Variants in C2CD2 observed in about 807,000 individuals in gnomAD.
The protein encoded by C2CD2 is C2 calcium dependent domain containing 2.
Under a neutral mutation model 74.3 loss-of-function variants are expected in C2CD2, and 43 were observed. That is an observed-to-expected ratio of 0.58 (90% CI 0.45 to 0.75). The LOEUF is 0.75. Among genes scored for constraint, C2CD2 ranks in the 30% least tolerant of loss-of-function variants. The pLI is 0.00. For synonymous variants in C2CD2, 422 were observed against 390.7 expected, an observed-to-expected ratio of 1.08 and a Z score of -0.94; for missense variants, 801 against 916.3, an observed-to-expected ratio of 0.87 and a Z score of 1.63.
rs112987346 is a variant in C2CD2, at chr21:41,939,084, G to A, written c.378+3063C>T. Among the ~76,000 whole-genome samples the A allele has an allele frequency of 0.014, 2,135 of 152,200 alleles. 53 individuals are homozygous for A. Among genetic ancestry groups the A allele is most frequent in the African/African-American group, 0.048 (1,997 of 41,516 alleles). ...CTATGGCTGAATTCTATTCCACCGC[G>A]TGGACGAGCCACAGTTTATTGATCT... On this transcript the variant is annotated intron_variant, in intron 2 of 13. Transcript: ENST00000380486. The surrounding 1 kb of genome is among the most constrained non-coding windows in gnomAD (Gnocchi z 5.5).
At chr21:41,947,141 C>CTCTCTCTCTCTCTCTCTCTCTCTCT (rs1569084407) in intron 1 of C2CD2, among the ~76,000 whole-genome samples, 36 of 20,176 alleles carry the variant, frequency 1.8e-3, no homozygotes, top group African/African-American at 7.8e-3. Flanking sequence ...TCTCTCTCTC[C>CTCTCTCTCTCTCTCTCTCTCTCTCT]CTCCCTCCCT....
chr21:41,894,674 G>T, intron 13 of C2CD2: 1 of 456,786 alleles, frequency 2.2e-6, no homozygotes, highest in Non-Finnish European at 4.4e-6. Flanking sequence ...AGAGAGGCAT[G>T]CAGGGGGCAG....
chr21:41,899,503 C>CGCTT lies in C2CD2; in HGVS notation c.1561-145_1561-142dup. On this transcript the variant is annotated intron_variant, in intron 12 of 13. Transcript: ENST00000380486. This position sits in a 1 kb window ranked among gnomAD's most constrained non-coding sequence, Gnocchi z 4.4. Reference sequence around the variant, plus strand: ...ATGCAGCCGTGGGCCTCATAGAAGGCGCTTATACATCACGGCCGTTGCTCA... The same window carrying CGCTT: ...ATGCAGCCGTGGGCCTCATAGAAGGCGCTTGCTTATACATCACGGCCGTTGCTCA... The CGCTT allele has an allele frequency of 9.1e-6, 7 of 770,054 alleles. No individual in the cohort carries two copies. Among genetic ancestry groups the CGCTT allele is most frequent in the Non-Finnish European group, 1.0e-5 (5 of 486,650 alleles). 47.7% of individuals were successfully genotyped at this position (770,054 alleles called of 1,614,324 possible). A position where few individuals can be genotyped will look rare whatever the true frequency, so the allele number is the denominator to read the frequency against.
At chr21:41,920,975 C>A (rs1349672370) in intron 3 of C2CD2, among the ~76,000 whole-genome samples, 5 of 152,210 alleles carry the variant, frequency 3.3e-5, no homozygotes, top group Admixed American at 3.3e-4. Context: ...GCATGAACGC[C>A]TCACAAATCC....
chr21:41,905,709 G>A lies in C2CD2; in HGVS notation c.1432+15C>T. On this transcript the variant is annotated intron_variant, in intron 11 of 13. Coordinates refer to ENST00000380486, the MANE Select transcript of C2CD2 (RefSeq NM_015500.2). ...GGTGCTAAGAGGGAGAGCGACGTGG[G>A]CGTGTCTCAGTTACCTGTGTCTGAA... 7.2e-7 allele frequency: 1 copy of A among 1,381,322 alleles called. No individual in the cohort carries two copies. Among genetic ancestry groups the A allele is most frequent in the Non-Finnish European group, 1.0e-6 (1 of 972,642 alleles). The allele number at this position is 1,381,322 out of a possible 1,614,324, so 85.6% of individuals were successfully genotyped here.
intron 13 of C2CD2, chr21:41,894,849 C>T (rs780523114): frequency 5.0e-5 from 23 of 456,610 alleles, no homozygotes; most frequent in South Asian, 3.1e-4. Context: ...ACTAAATAGC[C>T]GCCCCATGGT....
intron 1 of C2CD2, among the ~76,000 whole-genome samples, chr21:41,947,139 T>TCTCTCTCTCTCTCTCTCTCCCC (rs1365076208): frequency 8.2e-6 from 1 of 122,286 alleles, no homozygotes; most frequent in South Asian, 3.2e-4. Context: ...TCTCTCTCTC[T>TCTCTCTCTCTCTCTCTCTCCCC]CCCTCCCTCC....
intron 4 of C2CD2, 31 bp from the exon 5 acceptor site, chr21:41,918,258 C>T: frequency 6.2e-7 from 1 of 1,610,748 alleles, no homozygotes; most frequent in Non-Finnish European, 8.5e-7. Context: ...TGACAAATCG[C>T]CTTTGCAAGC....
At chr21:41,891,798 C>T (rs2064757621) in intron 13 of C2CD2, among the ~76,000 whole-genome samples, 1 of 152,044 alleles carries the variant, frequency 6.6e-6, no homozygotes. Flanking sequence ...GGGGAGGGAA[C>T]GCCAACCCAC....
intron 1 of C2CD2, among the ~76,000 whole-genome samples, chr21:41,942,523 C>T (rs2146227354): frequency 6.6e-6 from 1 of 152,274 alleles, no homozygotes; most frequent in East Asian, 1.9e-4. Flanking sequence ...TGCAGGAAGG[C>T]AGCGAAGGGT....
chr21:41,901,450 A>G, intron 12 of C2CD2, 172 bp downstream of exon 12: 1 of 716,910 alleles, frequency 1.4e-6, no homozygotes, highest in South Asian at 1.6e-5. Context: ...AACTGTGTAA[A>G]CACAACACCA....
rs61115737 is a variant in C2CD2, at chr21:41,939,503, T to C, written c.378+2644A>G. Among the ~76,000 whole-genome samples, 11,468 of 152,242 alleles carry C rather than the reference T, an allele frequency of 0.075. 1,023 individuals are homozygous for C. The highest frequency in any genetic ancestry group is 0.21 in the African/African-American group (8,894 of 41,492). ...ACAAATAGAGAGGGTGCTCACCGCC[T>C]GGGAAGGCACTTCCAAAGCAGCGGG... On this transcript the variant is annotated intron_variant, in intron 2 of 13. Coordinates refer to ENST00000380486, the MANE Select transcript of C2CD2 (RefSeq NM_015500.2). This position sits in a 1 kb window ranked among gnomAD's most constrained non-coding sequence, Gnocchi z 5.5.
chr21:41,897,901 C>T (rs534166175), intron 13 of C2CD2, among the ~76,000 whole-genome samples: 5 of 152,256 alleles, frequency 3.3e-5, no homozygotes, highest in East Asian at 3.9e-4. Flanking sequence ...CACGGCAGGG[C>T]GCTGAGTGGC....
intron 2 of C2CD2, among the ~76,000 whole-genome samples, chr21:41,927,676 G>A (rs547817174): frequency 6.6e-6 from 1 of 152,236 alleles, no homozygotes; most frequent in African/African-American, 2.4e-5. Flanking sequence ...TCACTATGTT[G>A]GCCAGGCTGG....
In C2CD2 at chr21:41,899,394, A is replaced by G. The variant is rs1200068760; in HGVS notation, c.1561-32T>C. On this transcript the variant is annotated intron_variant, in intron 12 of 13. Coordinates refer to ENST00000380486, the MANE Select transcript of C2CD2 (RefSeq NM_015500.2). The surrounding 1 kb of genome is among the most constrained non-coding windows in gnomAD (Gnocchi z 4.4). ...GGGGCAGTGGGGAAGATGACAAGGG[A>G]TACATGAAAGGAAGGGAGGGTTTGA... is the stretch of plus-strand genomic sequence containing the variant. The G allele has an allele frequency of 8.8e-6, 14 of 1,585,026 alleles. No homozygotes were observed. Among genetic ancestry groups the G allele is most frequent in the Non-Finnish European group, 1.2e-5 (14 of 1,168,904 alleles).
Position 41,939,036 on chromosome 21 carries a change from C to T in C2CD2, c.378+3111G>A, listed in dbSNP as rs1289736359. Among the ~76,000 whole-genome samples the T allele has an allele frequency of 1.3e-5, 2 of 152,114 alleles. No individual in the cohort carries two copies. The highest frequency in any genetic ancestry group is 6.5e-5 in the Admixed American group (1 of 15,280). On this transcript the variant is annotated intron_variant, in intron 2 of 13. Transcript: ENST00000380486. The surrounding 1 kb of genome is among the most constrained non-coding windows in gnomAD (Gnocchi z 5.5). ...GGATTATAAGCGCGAGCCACGGCAC[C>T]CGGCCTAGAATGTCCTCACTTTCTA...
At chr21:41,920,558 G>A (rs1367875712) in intron 3 of C2CD2, among the ~76,000 whole-genome samples, 1 of 152,210 alleles carries the variant, frequency 6.6e-6, no homozygotes. Context: ...GTGGAAAAGT[G>A]CACTTTAATT....
Position 41,922,115 on chromosome 21 carries a change from T to C in C2CD2, c.379-30A>G, listed in dbSNP as rs370002112. The C allele has an allele frequency of 1.7e-4, 233 of 1,368,768 alleles. No individual in the cohort carries two copies. The Middle Eastern group carries it at 2.2e-3, about 13-fold the overall frequency. The allele number at this position is 1,368,768 out of a possible 1,614,324, so 84.8% of individuals were successfully genotyped here. A position where few individuals can be genotyped will look rare whatever the true frequency, so the allele number is the denominator to read the frequency against. ...AGGAGGCACAGGTAAGGGAGAAAAC[T>C]GTATCCAAAACAAAGGACAGCGCGT... On this transcript the variant is annotated intron_variant, in intron 2 of 13. Transcript: ENST00000380486.
intron 8 of C2CD2, chr21:41,908,786 T>A (rs981152267): frequency 6.6e-6 from 1 of 152,234 alleles, no homozygotes; most frequent in Non-Finnish European, 1.5e-5. Context: ...AAGAAAATAT[T>A]TGTATCTTTA....
Sources: allele counts gnomAD v4.1 joint callset (sites outside exome capture counted in the v4.1 genomes callset), GRCh38; gene constraint gnomAD v4.1.1; non-coding constraint Gnocchi (gnomAD v3.1); transcripts MANE v1.5; gene names NCBI Gene and HGNC (gene_info 2026-07-23, HGNC 2026-07-21).